Variants in C2CD3 observed in about 807,000 individuals in gnomAD.
The protein encoded by C2CD3 is C2 domain containing 3 centriole elongation regulator, also known as C2 domain-containing protein 3.
C2CD3 carries 148 observed loss-of-function variants against 234.0 expected under a neutral mutation model. The observed-to-expected ratio is 0.63, with a 90% confidence interval of 0.55 to 0.72. The LOEUF is 0.72. C2CD3 is among the 30% of genes least tolerant of loss of function. C2CD3 has a pLI of 0.00. For missense variants in C2CD3, 2,577 were observed against 2,811.5 expected (o/e 0.92, Z 1.89); for synonymous variants, 1,000 against 1,035.4 (o/e 0.97, Z 0.66).
intron 11 of C2CD3, 127 bp from the exon 12 acceptor site, chr11:74,109,279 G>C: frequency 1.6e-6 from 1 of 607,270 alleles, no homozygotes; most frequent in Non-Finnish European, 2.9e-6. Context: ...TCGAGTCAGT[G>C]TGCTTTCACA....
Position 74,033,874 on chromosome 11 carries a change from C to T in C2CD3, c.6286G>A (p.Glu2096Lys). 6.5e-7 allele frequency: 1 copy of T among 1,536,208 alleles called. No individual in the cohort carries two copies. The highest frequency in any genetic ancestry group is 1.2e-5 in the South Asian group (1 of 84,064). ...PWSSVISDTS[E>K]VISPQPDEVQ... is the part of the protein sequence containing the mutation. ...TCGTCAGGCTGAGGGCTGATGACCTCACTTGTGTCTGATATGACACTAGAC... is the reference window on the plus strand; with the variant it reads ...TCGTCAGGCTGAGGGCTGATGACCTTACTTGTGTCTGATATGACACTAGAC... Residue 2096 changes from glutamate to lysine, a missense_variant, in exon 31 of 33, where the codon GAG becomes AAG. Transcript: ENST00000334126.
rs1474413931 is a variant in C2CD3, at chr11:74,134,357, G to T, written c.956-800C>A. 2.0e-5 allele frequency among the ~76,000 whole-genome samples: 3 copies of T among 152,286 alleles called. No homozygotes were observed. The South Asian group carries it at 6.2e-4, about 32-fold the overall frequency. ...TTTTTAAAAGCTGAGTACTAGCTGG[G>T]CATGGCAGCATGTGCCCATGGTCCC... is the stretch of plus-strand genomic sequence containing the variant. On this transcript the variant is annotated intron_variant, in intron 5 of 32. Transcript: ENST00000334126.
intron 5 of C2CD3, 64 bp from the exon 6 acceptor site, chr11:74,133,621 A>G: frequency 6.4e-7 from 1 of 1,565,086 alleles, no homozygotes; most frequent in East Asian, 2.3e-5. Context: ...TGGAATATTC[A>G]GTGCATTTCC....
In C2CD3 at chr11:74,028,413, A is replaced by C; in HGVS notation, c.6810-15T>G. The C allele has an allele frequency of 6.6e-7, 1 of 1,504,432 alleles. No homozygotes were observed. Among genetic ancestry groups the C allele is most frequent in the Admixed American group, 2.0e-5 (1 of 50,090 alleles). 93.2% of individuals were successfully genotyped at this position (1,504,432 alleles called of 1,614,324 possible). A position where few individuals can be genotyped will look rare whatever the true frequency, so the allele number is the denominator to read the frequency against. ...TGGGCCCTGGGCTACAATGGTAGTTAAGGGACAAAAATACCTAGAAGTCCA... is the reference window on the plus strand; with the variant it reads ...TGGGCCCTGGGCTACAATGGTAGTTCAGGGACAAAAATACCTAGAAGTCCA... On this transcript the variant is annotated splice_polypyrimidine_tract_variant and intron_variant, in intron 31 of 32. Transcript: ENST00000334126.
chr11:74,041,932 G>GC lies in C2CD3; in HGVS notation c.5660+121dup, dbSNP rs1953082111. 6.7e-6 allele frequency: 6 copies of GC among 890,462 alleles called. No homozygotes were observed. The Admixed American group carries it at 1.6e-4, about 23-fold the overall frequency. 55.2% of individuals were successfully genotyped at this position (890,462 alleles called of 1,614,324 possible). A position where few individuals can be genotyped will look rare whatever the true frequency, so the allele number is the denominator to read the frequency against. On this transcript the variant is annotated intron_variant, in intron 29 of 32. Coordinates refer to ENST00000334126, the MANE Select transcript of C2CD3 (RefSeq NM_001286577.2). ...CAACCTGATACTAACATGCAAAAGAGCCCTCTACTAATGTTCCTAGGGCGG... is the reference window on the plus strand; with the variant it reads ...CAACCTGATACTAACATGCAAAAGAGCCCCTCTACTAATGTTCCTAGGGCGG...
intron 11 of C2CD3, among the ~76,000 whole-genome samples, chr11:74,111,527 C>A (rs1956742606): frequency 6.6e-6 from 1 of 152,046 alleles, no homozygotes; most frequent in Non-Finnish European, 1.5e-5. Context: ...GTCCTATCCC[C>A]AAGATATCTT....
chr11:74,111,786 C>G (rs373156756), intron 11 of C2CD3, among the ~76,000 whole-genome samples: 2 of 151,522 alleles, frequency 1.3e-5, no homozygotes, highest in Admixed American at 6.6e-5. Flanking sequence ...GATTTTTTTG[C>G]GATTTTTTTT....
Position 74,150,492 on chromosome 11 carries a change from C to CAAAAAAA in C2CD3, c.484-10671_484-10665dup, listed in dbSNP as rs769668218. 2.5e-3 allele frequency among the ~76,000 whole-genome samples: 40 copies of CAAAAAAA among 16,082 alleles called. 2 individuals carry two copies. Among genetic ancestry groups the CAAAAAAA allele is most frequent in the African/African-American group, 3.6e-3 (14 of 3,848 alleles). 10.6% of individuals were successfully genotyped at this position (16,082 alleles called of 152,430 possible). A position where few individuals can be genotyped will look rare whatever the true frequency, so the allele number is the denominator to read the frequency against. On this transcript the variant is annotated intron_variant, in intron 3 of 32. Coordinates refer to ENST00000334126, the MANE Select transcript of C2CD3 (RefSeq NM_001286577.2). The stretch of plus-strand genomic sequence containing the variant: ...TGGGCTACAGAGCAAGACCCTGTCT[C>CAAAAAAA]AAAAAAAAAAAAAAAAAAAAAAACA...
chr11:74,038,247 A>G (rs1952839293), intron 29 of C2CD3, among the ~76,000 whole-genome samples: 1 of 152,236 alleles, frequency 6.6e-6, no homozygotes, highest in African/African-American at 2.4e-5. Flanking sequence ...TACTGCACCC[A>G]GCATAGTGCT....
rs151187151 is a variant in C2CD3 at position 74,085,787 on chromosome 11, C to G, written c.3741G>C (p.Gln1247His). 1.4e-4 allele frequency: 218 copies of G among 1,614,104 alleles called. No individual in the cohort carries two copies. The East Asian group carries it at 2.1e-3, about 16-fold the overall frequency. ...THLSFLPQGE[Q>H]RRTHPVACSF... ...AACAGGCCACAGGGTGGGTTCGGCG[C>G]TGTTCTCCCTGGGGCAGGAAGGAGA... is the stretch of plus-strand genomic sequence containing the variant. The change falls in exon 21 of 33, where the codon CAG becomes CAC. Residue 1247 changes from glutamine to histidine, a missense_variant. Coordinates refer to ENST00000334126, the MANE Select transcript of C2CD3 (RefSeq NM_001286577.2).
intron 29 of C2CD3, among the ~76,000 whole-genome samples, chr11:74,038,063 T>C (rs1952828569): frequency 6.6e-6 from 1 of 152,230 alleles, no homozygotes; most frequent in South Asian, 2.1e-4. Context: ...TGCTACCTCA[T>C]AACCATTCCT....
chr11:74,153,237 A>AAACAC (rs1400539084), intron 3 of C2CD3, among the ~76,000 whole-genome samples: 1 of 151,840 alleles, frequency 6.6e-6, no homozygotes, highest in Admixed American at 6.6e-5. Context: ...AAACAAAACA[A>AAACAC]AACAAAACAA....
intron 25 of C2CD3, among the ~76,000 whole-genome samples, chr11:74,056,107 T>C (rs73557980): frequency 0.018 from 2,670 of 152,274 alleles, 78 homozygotes; most frequent in African/African-American, 0.061. Context: ...CAGTTCTAGC[T>C]CCTGACTCAT....
At chr11:74,108,067 C>G (rs909592075) in intron 12 of C2CD3, 1 of 148,786 alleles carries the variant, frequency 6.7e-6, no homozygotes, top group Non-Finnish European at 1.5e-5. Context: ...AGGAGAATGG[C>G]GTGAACCCGG....
chr11:74,096,190 C>G (rs1394214845), intron 16 of C2CD3, among the ~76,000 whole-genome samples: 1 of 152,170 alleles, frequency 6.6e-6, no homozygotes, highest in Admixed American at 6.5e-5. Flanking sequence ...CAGGTTTAGA[C>G]TCAACGTAGT....
intron 32 of C2CD3, among the ~76,000 whole-genome samples, chr11:74,022,106 A>T (rs1952111923): frequency 2.0e-5 from 3 of 152,094 alleles, no homozygotes; most frequent in Admixed American, 2.0e-4. Flanking sequence ...GACCTGGGCA[A>T]GAGTGAGATT....
chr11:74,107,912 A>T (rs1466921660), intron 12 of C2CD3: 1 of 152,168 alleles, frequency 6.6e-6, no homozygotes, highest in Non-Finnish European at 1.5e-5. Flanking sequence ...GCACTTTGGG[A>T]GGCCGAGGTG....
intron 22 of C2CD3, 84 bp downstream of exon 22, chr11:74,084,797 A>T: frequency 1.2e-6 from 1 of 823,002 alleles, no homozygotes; most frequent in Non-Finnish European, 2.1e-6. Context: ...TGAATATCTT[A>T]CATGAGAGAC....
intron 12 of C2CD3, among the ~76,000 whole-genome samples, chr11:74,107,328 A>G (rs925571623): frequency 2.3e-4 from 35 of 151,952 alleles, no homozygotes; most frequent in Non-Finnish European, 5.0e-4. Flanking sequence ...TGTGTCACAC[A>G]CACACACACA....
Sources: allele counts gnomAD v4.1 joint callset (sites outside exome capture counted in the v4.1 genomes callset), GRCh38; gene constraint gnomAD v4.1.1; transcripts MANE v1.5; gene names NCBI Gene and HGNC (gene_info 2026-07-23, HGNC 2026-07-21).